The following PLD1 variants were observed in gnomAD, a reference collection of about 807,000 sequenced individuals.
PLD1 encodes phospholipase D1, also known as choline phosphatase 1.
PLD1 carries 112 observed loss-of-function variants against 137.1 expected under a neutral mutation model. The observed-to-expected ratio is 0.82, with a 90% CI of 0.70 to 0.96. The LOEUF (loss-of-function observed/expected upper bound fraction) is 0.96. Among genes scored for constraint, PLD1 ranks in the 40% least tolerant of loss-of-function variants. The probability of loss-of-function intolerance (pLI) is 0.00; values close to 1 mark genes in which losing one functional copy is unlikely to be tolerated. For missense variants in PLD1, 1,321 were observed against 1,342.0 expected (o/e 0.98, Z 0.24); for synonymous variants, 431 against 454.7 (o/e 0.95, Z 0.66).
chr3:171,713,995 C>T lies in PLD1; in HGVS notation c.809G>A (p.Gly270Asp). 1 of 1,608,910 alleles carries T rather than the reference C, an allele frequency of 6.2e-7. No individual in the cohort carries two copies. Among genetic ancestry groups the T allele is most frequent in the South Asian group, 1.1e-5 (1 of 90,972 alleles). ...TACCAGCAGGACGAAGGCAATGGCA[C>T]CGCTGTCTGGTTTCATATACAATAA... ...SFLLYMKPDSGAIAFVLLVDK... is the reference protein window; with the variant it reads ...SFLLYMKPDSDAIAFVLLVDK... The change falls in exon 9 of 27, where the codon GGT becomes GAT. Residue 270 changes from glycine (G) to aspartate (D), a missense_variant. Transcript: ENST00000351298.
At chr3:171,632,713 T>C (rs1346079372) in intron 23 of PLD1, among the ~76,000 whole-genome samples, 1 of 152,230 alleles carries the variant, frequency 6.6e-6, no homozygotes, top group Admixed American at 6.5e-5. Flanking sequence ...ATGGCAGTCC[T>C]GGAAGCTGTT....
intron 23 of PLD1, among the ~76,000 whole-genome samples, chr3:171,638,749 G>A (rs1426999926): frequency 1.3e-5 from 2 of 152,044 alleles, no homozygotes; most frequent in South Asian, 2.1e-4. Context: ...AATCTGACTG[G>A]GCCAAGAGGT....
At chr3:171,741,711 T>C (rs1212698009) in intron 1 of PLD1, among the ~76,000 whole-genome samples, 1 of 152,230 alleles carries the variant, frequency 6.6e-6, no homozygotes, top group Non-Finnish European at 1.5e-5. Context: ...TTTTGAATTA[T>C]AGAACTGAAA....
At chr3:171,622,997 T>C (rs969149489) in intron 23 of PLD1, among the ~76,000 whole-genome samples, 1 of 151,926 alleles carries the variant, frequency 6.6e-6, no homozygotes. Context: ...AAAACTTTTA[T>C]AAAGAAAAAG....
At chr3:171,645,883 C>CAAAAAAAAAAAA in intron 21 of PLD1, among the ~76,000 whole-genome samples, 1 of 59,204 alleles carries the variant, frequency 1.7e-5, no homozygotes, top group Non-Finnish European at 3.4e-5. Context: ...GACTCCATCT[C>CAAAAAAAAAAAA]AAAAAAAAAA....
At chr3:171,764,934 GAAAGAAAGAAAGAAAGAAAGAAAGAAA>G (rs1721823972) in intron 1 of PLD1, among the ~76,000 whole-genome samples, 1 of 6,278 alleles carries the variant, frequency 1.6e-4, no homozygotes, top group Non-Finnish European at 3.2e-4. Flanking sequence ...GGAAAGAAAG[GAAAGAAAGAAAGAAAGAAAGAAAGAAA>G]GAAAGAAAGA....
Position 171,735,640 on chromosome 3 carries a change from AC to A in PLD1, c.289-4del. The A allele has an allele frequency of 6.8e-7, 1 of 1,460,658 alleles. No homozygotes were observed. Among genetic ancestry groups the A allele is most frequent in the South Asian group, 1.1e-5 (1 of 87,172 alleles). The allele number at this position is 1,460,658 out of a possible 1,614,324, so 90.5% of individuals were successfully genotyped here. A position where few individuals can be genotyped will look rare whatever the true frequency, so the allele number is the denominator to read the frequency against. The stretch of plus-strand genomic sequence containing the variant: ...GTGTAAAGATTAATACTTGGTACCT[AC>A]AGTGATACATAAAAATGTTTGATAT... On this transcript the variant is annotated splice_polypyrimidine_tract_variant and splice_region_variant and intron_variant, in intron 3 of 26. Transcript: ENST00000351298.
chr3:171,662,212 A>G (rs1578213571), intron 19 of PLD1, 42 bp from the exon 20 acceptor site: 2 of 1,050,714 alleles, frequency 1.9e-6, no homozygotes, highest in East Asian at 4.7e-5. Flanking sequence ...TTAGCAATGG[A>G]GAGGACATCA....
At chr3:171,644,237 C>T (rs769092929) in intron 22 of PLD1, among the ~76,000 whole-genome samples, 2 of 152,162 alleles carry the variant, frequency 1.3e-5, no homozygotes, top group Admixed American at 6.5e-5. Flanking sequence ...GCATTTCCAT[C>T]CCCATCTATG....
intron 1 of PLD1, among the ~76,000 whole-genome samples, chr3:171,800,357 C>T (rs1486836796): frequency 1.3e-5 from 2 of 152,034 alleles, no homozygotes; most frequent in African/African-American, 2.4e-5. Context: ...TACAGGTGTG[C>T]ACCACCACAC....
chr3:171,707,397 A>G (rs1179554888), intron 11 of PLD1, among the ~76,000 whole-genome samples: 1 of 152,172 alleles, frequency 6.6e-6, no homozygotes, highest in Non-Finnish European at 1.5e-5. Flanking sequence ...TCTTCACCAA[A>G]CTTTCAGAAA....
At chr3:171,749,913 C>T (rs898556605) in intron 1 of PLD1, among the ~76,000 whole-genome samples, 12 of 152,294 alleles carry the variant, frequency 7.9e-5, no homozygotes, top group Admixed American at 7.8e-4. Flanking sequence ...TACTGCCCAC[C>T]ACAGGACAGA....
chr3:171,806,164 G>A (rs915488750), intron 1 of PLD1, among the ~76,000 whole-genome samples: 2 of 152,102 alleles, frequency 1.3e-5, no homozygotes, highest in Non-Finnish European at 1.5e-5. Context: ...CCACGTAAGT[G>A]TTTATTAAAT....
intron 16 of PLD1, 161 bp from the exon 17 acceptor site, chr3:171,677,855 T>C (rs1411088916): frequency 5.0e-6 from 3 of 600,154 alleles, no homozygotes; most frequent in African/African-American, 1.9e-5. Flanking sequence ...GCTAACAAGG[T>C]TTTACAGTCC....
chr3:171,742,408 T>C (rs561809808), intron 1 of PLD1, among the ~76,000 whole-genome samples: 1 of 152,248 alleles, frequency 6.6e-6, no homozygotes, highest in African/African-American at 2.4e-5. Context: ...AAAACAATTT[T>C]TAAAATAAAA....
rs1003663355 is a variant in PLD1, at chr3:171,601,848, G to A, written c.*1230C>T. The A allele has an allele frequency of 6.6e-6, 1 of 152,096 alleles. No individual in the cohort carries two copies. The highest frequency in any genetic ancestry group is 2.4e-5 in the African/African-American group (1 of 41,398). The allele number at this position is 152,096 out of a possible 1,614,324, so 9.4% of individuals were successfully genotyped here. On this transcript the variant is annotated 3_prime_UTR_variant, in exon 27 of 27. Transcript: ENST00000351298. ...CTTAGTAAAATTTAGTTTATCAAAG[G>A]GTACTCTAACATCCGAAAAGGAAAA... is the stretch of plus-strand genomic sequence containing the variant.
intron 8 of PLD1, among the ~76,000 whole-genome samples, chr3:171,714,753 AT>A (rs936475682): frequency 4.1e-4 from 62 of 151,794 alleles, no homozygotes; most frequent in East Asian, 7.7e-4. Context: ...CATTTCATTA[AT>A]TTTTTTTTAA....
intron 2 of PLD1, 103 bp downstream of exon 2, chr3:171,737,789 A>C: frequency 1.4e-6 from 2 of 1,391,432 alleles, no homozygotes; most frequent in Non-Finnish European, 2.0e-6. Flanking sequence ...CCGGTGTTAC[A>C]TCTGCAAGGA....
intron 1 of PLD1, among the ~76,000 whole-genome samples, chr3:171,796,313 G>A (rs11714531): frequency 0.13 from 20,538 of 152,198 alleles, 1,631 homozygotes; most frequent in East Asian, 0.22. Flanking sequence ...TGCTGTACTT[G>A]TTTAAAATAT....
Sources: allele counts gnomAD v4.1 joint callset (sites outside exome capture counted in the v4.1 genomes callset), GRCh38; gene constraint gnomAD v4.1.1; transcripts MANE v1.5; gene names NCBI Gene and HGNC (gene_info 2026-07-23, HGNC 2026-07-21).